Variants in RGMB observed in about 807,000 individuals in gnomAD.
RGMB encodes repulsive guidance molecule BMP co-receptor b, also known as repulsive guidance molecule B.
A neutral mutation model predicts 26.9 loss-of-function variants in RGMB; 16 were observed. The observed-to-expected ratio is 0.60, with a 90% CI of 0.40 to 0.90. The LOEUF is 0.90. Among genes scored for constraint, RGMB ranks in the 40% least tolerant of loss-of-function variants. RGMB has a pLI of 0.00. For synonymous variants in RGMB, 225 were observed against 229.3 expected, an observed-to-expected ratio of 0.98 and a Z score of 0.17; for missense variants, 512 against 573.3, an observed-to-expected ratio of 0.89 and a Z score of 1.09.
chr5:98,792,212 T>TC (rs1746951402), intron 2 of RGMB, among the ~76,000 whole-genome samples: 1 of 152,204 alleles, frequency 6.6e-6, no homozygotes, highest in African/African-American at 2.4e-5. Context: ...CCTCCTCAAC[T>TC]CTTTCTCTCT....
intron 1 of RGMB, among the ~76,000 whole-genome samples, chr5:98,776,792 A>AG (rs2112343435): frequency 6.6e-6 from 1 of 152,328 alleles, no homozygotes; most frequent in African/African-American, 2.4e-5. Flanking sequence ...GCTATGAAAG[A>AG]GGGAAAGGTT....
upstream of RGMB, chr5:98,769,626 G>C (rs1239206243): frequency 6.5e-6 from 1 of 152,846 alleles, no homozygotes; most frequent in East Asian, 1.9e-4. Flanking sequence ...AATGCCTGTG[G>C]TGAGTTGTTT....
chr5:98,775,881 C>T (rs1040634603), intron 1 of RGMB, among the ~76,000 whole-genome samples: 2 of 152,164 alleles, frequency 1.3e-5, no homozygotes, highest in African/African-American at 4.8e-5. Flanking sequence ...AAGAAAAGAA[C>T]GCTCCTTTTG....
intron 1 of RGMB, 82 bp from the exon 2 acceptor site, chr5:98,779,498 C>T (rs1175562816): frequency 7.4e-7 from 1 of 1,357,222 alleles, no homozygotes; most frequent in Admixed American, 2.5e-5. Context: ...AAACAATTCC[C>T]AAAGAACAAT....
chr5:98,775,325 A>G (rs182733332), intron 1 of RGMB, among the ~76,000 whole-genome samples: 5 of 152,344 alleles, frequency 3.3e-5, no homozygotes, highest in Admixed American at 1.3e-4. Context: ...GTAGCTTTGC[A>G]TTATGATGTA....
At chr5:98,784,590 A>G (rs1310395290) in intron 2 of RGMB, among the ~76,000 whole-genome samples, 1 of 152,204 alleles carries the variant, frequency 6.6e-6, no homozygotes, top group East Asian at 1.9e-4. Flanking sequence ...TTTGTTGGTT[A>G]CAAAATCAGA....
At chr5:98,791,769 CCT>C (rs1056749265) in intron 2 of RGMB, among the ~76,000 whole-genome samples, 102 of 152,142 alleles carry the variant, frequency 6.7e-4, no homozygotes, top group African/African-American at 2.2e-3. Context: ...CACAGCAGCC[CCT>C]GTCTTATCAT....
chr5:98,776,464 A>G (rs986374154), intron 1 of RGMB, among the ~76,000 whole-genome samples: 1 of 152,216 alleles, frequency 6.6e-6, no homozygotes, highest in African/African-American at 2.4e-5. Flanking sequence ...CTTCTTGGCT[A>G]CATCCTTGAG....
At chr5:98,778,635 T>C (rs1189258067) in intron 1 of RGMB, among the ~76,000 whole-genome samples, 1 of 152,290 alleles carries the variant, frequency 6.6e-6, no homozygotes, top group Admixed American at 6.5e-5. Flanking sequence ...ATTAAATTAT[T>C]TGGGGACACA....
intron 2 of RGMB, among the ~76,000 whole-genome samples, chr5:98,781,753 T>C (rs891755735): frequency 3.3e-5 from 5 of 152,232 alleles, no homozygotes; most frequent in African/African-American, 1.2e-4. Context: ...TCTTCATGCC[T>C]TCCATCCGGT....
At chr5:98,776,575 G>GTC (rs770443388) in intron 1 of RGMB, among the ~76,000 whole-genome samples, 508 of 152,272 alleles carry the variant, frequency 3.3e-3, no homozygotes, top group Non-Finnish European at 6.0e-3. Flanking sequence ...CATGAAGCCT[G>GTC]GATATTTCTG....
At position 98,775,620 on chromosome 5, in the gene RGMB, C is replaced by G. The variant is rs549093695; in HGVS notation, c.136+1414C>G. On this transcript the variant is annotated intron_variant, in intron 1 of 2. Transcript: ENST00000513185. The stretch of plus-strand genomic sequence containing the variant: ...CCCCTTGGCTGCTTGGATATTGTTT[C>G]CCATAGTTGCCATAGGATCCTGTGA... Among the ~76,000 whole-genome samples, 27 of 152,228 alleles carry G rather than the reference C, an allele frequency of 1.8e-4. No homozygotes were observed. The East Asian group carries it at 5.2e-3, about 29-fold the overall frequency.
chr5:98,775,865 C>T (rs1270650032), intron 1 of RGMB, among the ~76,000 whole-genome samples: 1 of 152,182 alleles, frequency 6.6e-6, no homozygotes, highest in Non-Finnish European at 1.5e-5. Flanking sequence ...GCGATTAATC[C>T]TGTTAAAGAA....
chr5:98,784,137 C>T (rs1242957523), intron 2 of RGMB, among the ~76,000 whole-genome samples: 3 of 152,168 alleles, frequency 2.0e-5, no homozygotes, highest in African/African-American at 7.2e-5. Context: ...CTTGACCAAG[C>T]AAGATGACTG....
chr5:98,776,793 G>A (rs926677040), intron 1 of RGMB, among the ~76,000 whole-genome samples: 1 of 152,220 alleles, frequency 6.6e-6, no homozygotes, highest in Non-Finnish European at 1.5e-5. Flanking sequence ...CTATGAAAGA[G>A]GGAAAGGTTT....
At chr5:98,770,743 C>A, upstream of RGMB, 1 of 931,084 alleles carries the variant, frequency 1.1e-6, no homozygotes, top group Non-Finnish European at 1.5e-6. Context: ...TCCTTATTTT[C>A]TCTCCTTTCC....
At chr5:98,769,702 T>A (rs1032735315), upstream of RGMB, 4 of 153,322 alleles carry the variant, frequency 2.6e-5, no homozygotes, top group African/African-American at 9.6e-5. Flanking sequence ...CGGCCGGGAC[T>A]GTTTTGTTTA....
At chr5:98,775,277 G>A (rs1255382029) in intron 1 of RGMB, among the ~76,000 whole-genome samples, 1 of 152,094 alleles carries the variant, frequency 6.6e-6, no homozygotes, top group Non-Finnish European at 1.5e-5. Context: ...GTAATGGGGG[G>A]GAAAATGTGA....
chr5:98,776,038 G>A (rs1026824140), intron 1 of RGMB, among the ~76,000 whole-genome samples: 1 of 152,122 alleles, frequency 6.6e-6, no homozygotes, highest in Non-Finnish European at 1.5e-5. Context: ...CACCCCATAT[G>A]GCTCCACATT....
Sources: gnomAD v4.1 joint callset for allele counts (sites outside exome capture counted in the v4.1 genomes callset) on GRCh38, gnomAD v4.1.1 for gene constraint, MANE v1.5 for transcripts, NCBI Gene and HGNC (gene_info 2026-07-23, HGNC 2026-07-21) for gene names.